Variants in SLC30A2 observed in about 807,000 individuals in gnomAD.
SLC30A2 encodes proton-coupled zinc antiporter SLC30A2.
SLC30A2 carries 19 observed loss-of-function variants against 39.6 expected under a neutral mutation model. The ratio of observed to expected loss-of-function variants is 0.48; its 90% CI spans 0.34 to 0.70. The LOEUF is 0.70. Among genes scored for constraint, SLC30A2 ranks in the 30% least tolerant of loss-of-function variants. The probability of loss-of-function intolerance (pLI) is 0.01; values close to 1 mark genes in which losing one functional copy is unlikely to be tolerated. For missense variants in SLC30A2, 387 were observed against 479.4 expected, an observed-to-expected ratio of 0.81 and a Z score of 1.80; for synonymous variants, 195 against 194.8, an observed-to-expected ratio of 1.00 and a Z score of -0.01.
Position 26,039,823 on chromosome 1 carries a change from C to G in SLC30A2, c.927G>C (p.Trp309Cys), listed in dbSNP as rs1185652351. 105 of 1,613,892 alleles carry G rather than the reference C, an allele frequency of 6.5e-5. No homozygotes were observed. The highest frequency in any genetic ancestry group is 7.7e-5 in the Non-Finnish European group (91 of 1,180,018). Residue 309 changes from tryptophan (W) to cysteine (C), a missense_variant, in exon 7 of 8, where the codon TGG becomes TGC. Transcript: ENST00000374276. This position sits in a 1 kb window ranked among gnomAD's most constrained non-coding sequence, Gnocchi z 4.3. The part of the protein sequence containing the change: ...GVEALHSLHI[W>C]ALTVAQPVLS... ...GAACAGGCTGGGCCACCGTCAGTGCCCAGATATGCAGGCTGTGCAGGGCTT... is the reference window on the plus strand; with the variant it reads ...GAACAGGCTGGGCCACCGTCAGTGCGCAGATATGCAGGCTGTGCAGGGCTT...
At chr1:26,040,393 C>T (rs1318488643) in intron 6 of SLC30A2, among the ~76,000 whole-genome samples, 5 of 152,106 alleles carry the variant, frequency 3.3e-5, no homozygotes, top group East Asian at 3.9e-4. Context: ...GGACTACAGG[C>T]GCATGCCACC....
chr1:26,046,092 G>A lies in SLC30A2; in HGVS notation c.-196C>T. The A allele has an allele frequency of 1.5e-6, 2 of 1,308,280 alleles. No homozygotes were observed. The highest frequency in any genetic ancestry group is 1.9e-6 in the Non-Finnish European group (2 of 1,034,762). 81.0% of individuals were successfully genotyped at this position (1,308,280 alleles called of 1,614,324 possible). A position where few individuals can be genotyped will look rare whatever the true frequency, so the allele number is the denominator to read the frequency against. On this transcript the variant is annotated 5_prime_UTR_variant, in exon 1 of 8. The change creates a new upstream start codon in the 5' untranslated region. Coordinates refer to ENST00000374276, the MANE Select transcript of SLC30A2 (RefSeq NM_001004434.3). The surrounding 1 kb of genome is among the most constrained non-coding windows in gnomAD (Gnocchi z 4.4). ...GCTGCAGCTCCGGCTCTGGCTCCGCGTGCCAAGCGCTCCCGTGTCTCGGGT... is the reference window on the plus strand; with the variant it reads ...GCTGCAGCTCCGGCTCTGGCTCCGCATGCCAAGCGCTCCCGTGTCTCGGGT...
chr1:26,043,658 G>A, intron 3 of SLC30A2, 107 bp from the exon 4 acceptor site: 1 of 1,220,298 alleles, frequency 8.2e-7, no homozygotes, highest in Middle Eastern at 2.0e-4. Context: ...ACAAAGTCAG[G>A]GCCTGGGTCC....
In SLC30A2 at chr1:26,046,105, C is replaced by G; in HGVS notation, c.-209G>C. 1 of 1,299,464 alleles carries G rather than the reference C, an allele frequency of 7.7e-7. No individual in the cohort carries two copies. Among genetic ancestry groups the G allele is most frequent in the Non-Finnish European group, 9.7e-7 (1 of 1,029,750 alleles). The allele number at this position is 1,299,464 out of a possible 1,614,324, so 80.5% of individuals were successfully genotyped here. A position where few individuals can be genotyped will look rare whatever the true frequency, so the allele number is the denominator to read the frequency against. ...CTCTGGCTCCGCGTGCCAAGCGCTC[C>G]CGTGTCTCGGGTCAGCCGCTGCGCC... is the stretch of plus-strand genomic sequence containing the variant. On this transcript the variant is annotated 5_prime_UTR_variant, in exon 1 of 8. Transcript: ENST00000374276. The surrounding 1 kb of genome is among the most constrained non-coding windows in gnomAD (Gnocchi z 4.4).
intron 6 of SLC30A2, among the ~76,000 whole-genome samples, chr1:26,041,112 GAAAA>G (rs985993733): frequency 7.5e-5 from 11 of 146,000 alleles, no homozygotes; most frequent in African/African-American, 2.5e-4. Context: ...AAAGAAAAAA[GAAAA>G]AAAAAAGGTA....
Position 26,039,332 on chromosome 1 carries a change from G to A in SLC30A2, c.974-27C>T, listed in dbSNP as rs1370116838. 2 of 1,586,810 alleles carry A rather than the reference G, an allele frequency of 1.3e-6. No homozygotes were observed. Among genetic ancestry groups the A allele is most frequent in the African/African-American group, 1.3e-5 (1 of 74,568 alleles). Reference sequence around the variant, plus strand: ...TGGGGGCCGAGAGGACACAGCGGGGGAAGCCATTTACTCTGGCCCTTTGGA... The same window carrying A: ...TGGGGGCCGAGAGGACACAGCGGGGAAAGCCATTTACTCTGGCCCTTTGGA... On this transcript the variant is annotated intron_variant, in intron 7 of 7. Transcript: ENST00000374276. This position sits in a 1 kb window ranked among gnomAD's most constrained non-coding sequence, Gnocchi z 4.3.
rs2050376256 is a variant in SLC30A2 at position 26,039,696 on chromosome 1, G to T, written c.973+81C>A. 6.8e-7 allele frequency: 1 copy of T among 1,460,788 alleles called. No individual in the cohort carries two copies. Among genetic ancestry groups the T allele is most frequent in the Non-Finnish European group, 9.3e-7 (1 of 1,069,860 alleles). The allele number at this position is 1,460,788 out of a possible 1,614,324, so 90.5% of individuals were successfully genotyped here. A position where few individuals can be genotyped will look rare whatever the true frequency, so the allele number is the denominator to read the frequency against. On this transcript the variant is annotated intron_variant, in intron 7 of 7. Transcript: ENST00000374276. This position sits in a 1 kb window ranked among gnomAD's most constrained non-coding sequence, Gnocchi z 4.3. ...ATGCATGGGCACTGTGAGCATCTGG[G>T]GTCACCTGGACCCGTTGGGGATGGC...
chr1:26,038,373 T>TAGGC lies in SLC30A2; in HGVS notation c.*783_*786dup, dbSNP rs1356209495. The stretch of plus-strand genomic sequence containing the variant: ...CAGGCTCCGACTGGGTCAGGCCAGG[T>TAGGC]AGGCAACAGAGTTGGCCCAGCCATA... On this transcript the variant is annotated 3_prime_UTR_variant, in exon 8 of 8. Transcript: ENST00000374276. 6.6e-6 allele frequency: 1 copy of TAGGC among 152,248 alleles called. No individual in the cohort carries two copies. Among genetic ancestry groups the TAGGC allele is most frequent in the African/African-American group, 2.4e-5 (1 of 41,466 alleles). The allele number at this position is 152,248 out of a possible 1,614,324, so 9.4% of individuals were successfully genotyped here. A position where few individuals can be genotyped will look rare whatever the true frequency, so the allele number is the denominator to read the frequency against.
intron 3 of SLC30A2, 84 bp downstream of exon 3, chr1:26,044,214 T>A: frequency 7.0e-6 from 10 of 1,425,498 alleles, no homozygotes; most frequent in East Asian, 2.3e-5. Flanking sequence ...GAAGGGGGGA[T>A]CCACCCATTA....
chr1:26,039,967 C>T lies in SLC30A2; in HGVS notation c.839-56G>A. On this transcript the variant is annotated intron_variant, in intron 6 of 7. Transcript: ENST00000374276. The surrounding 1 kb of genome is among the most constrained non-coding windows in gnomAD (Gnocchi z 4.3). ...GGAAACTACCCCTCCCACGCCTGCC[C>T]ATTGGTGCAGGGCTGGCTCCTGATC... The T allele has an allele frequency of 3.7e-6, 6 of 1,604,986 alleles. No individual in the cohort carries two copies. Among genetic ancestry groups the T allele is most frequent in the South Asian group, 1.1e-5 (1 of 90,476 alleles).
Position 26,038,522 on chromosome 1 carries a change from A to G in SLC30A2, c.*638T>C, listed in dbSNP as rs898640971. The stretch of plus-strand genomic sequence containing the variant: ...CTACCCCCTGCCCACCACCTGTGCC[A>G]AAGTTGTTTTTTGTGTTGGCACAGC... On this transcript the variant is annotated 3_prime_UTR_variant, in exon 8 of 8. Coordinates refer to ENST00000374276, the MANE Select transcript of SLC30A2 (RefSeq NM_001004434.3). The G allele has an allele frequency of 6.6e-6, 1 of 152,240 alleles. No homozygotes were observed. Among genetic ancestry groups the G allele is most frequent in the Admixed American group, 6.5e-5 (1 of 15,286 alleles). 9.4% of individuals were successfully genotyped at this position (152,240 alleles called of 1,614,324 possible). A position where few individuals can be genotyped will look rare whatever the true frequency, so the allele number is the denominator to read the frequency against.
chr1:26,040,918 C>CG (rs1015575743), intron 6 of SLC30A2, among the ~76,000 whole-genome samples: 24 of 20,468 alleles, frequency 1.2e-3, no homozygotes, highest in African/African-American at 2.1e-3. Flanking sequence ...ATAGTGAGAC[C>CG]CCCCCCCCAT....
intron 5 of SLC30A2, 95 bp from the exon 6 acceptor site, chr1:26,041,900 C>A (rs1011323817): frequency 4.0e-6 from 3 of 754,694 alleles, no homozygotes; most frequent in Non-Finnish European, 6.8e-6. Context: ...GAGAGGTGCT[C>A]TCTCTGCTGG....
At chr1:26,042,385 G>A (rs2050407352) in intron 5 of SLC30A2, among the ~76,000 whole-genome samples, 164 bp downstream of exon 5, 1 of 152,212 alleles carries the variant, frequency 6.6e-6, no homozygotes, top group African/African-American at 2.4e-5. Context: ...AGGATCAGAA[G>A]TGCTGACACT....
chr1:26,041,623 GAC>G, intron 6 of SLC30A2, 75 bp downstream of exon 6: 1 of 873,090 alleles, frequency 1.1e-6, no homozygotes, highest in Non-Finnish European at 1.9e-6. Flanking sequence ...GGATGCCCCA[GAC>G]ACACACATAC....
In SLC30A2 at chr1:26,041,731, G is replaced by C. The variant is rs770233361; in HGVS notation, c.807C>G (p.Ile269Met). 2 of 1,613,194 alleles carry C rather than the reference G, an allele frequency of 1.2e-6. No homozygotes were observed. The highest frequency in any genetic ancestry group is 1.7e-6 in the Non-Finnish European group (2 of 1,179,122). Reference protein sequence around the residue: ...SILVLGTTLTILRDVILVLME... With the variant: ...SILVLGTTLTMLRDVILVLME... ...TCAACACCAGGATCACATCTCTCAG[G>C]ATGGTCAAGGTTGTCCCCAGGACCA... is the stretch of plus-strand genomic sequence containing the variant. The change falls in exon 6 of 8, where the codon ATC becomes ATG. Residue 269 changes from isoleucine (I) to methionine (M), a missense_variant. Transcript: ENST00000374276.
At chr1:26,042,769 G>A (rs376116869) in intron 4 of SLC30A2, 61 bp from the exon 5 acceptor site, 1 of 1,500,516 alleles carries the variant, frequency 6.7e-7, no homozygotes. Context: ...TCACCTATTA[G>A]GACTAGCCAA....
At position 26,045,082 on chromosome 1, in the gene SLC30A2, G is replaced by T. The variant is rs2050444918; in HGVS notation, c.186C>A (p.His62Gln). Residue 62 changes from histidine (H) to glutamine (Q), a missense_variant, in exon 2 of 8, where the codon CAC (histidine) becomes CAA (glutamine). By Grantham distance (24) the His-to-Gln change is conservative. Transcript: ENST00000374276. ...GGGCCTTCCCCTTCTTGGGGTCACAGTGACTGTCAGGACCCTTCTGAGCAT... is the reference window on the plus strand; with the variant it reads ...GGGCCTTCCCCTTCTTGGGGTCACATTGACTGTCAGGACCCTTCTGAGCAT... Reference protein sequence around the residue: ...HCHAQKGPDSHCDPKKGKAQR... With the variant: ...HCHAQKGPDSQCDPKKGKAQR... 6.2e-7 allele frequency: 1 copy of T among 1,614,202 alleles called. No individual in the cohort carries two copies. Among genetic ancestry groups the T allele is most frequent in the African/African-American group, 1.3e-5 (1 of 75,058 alleles).
Position 26,039,009 on chromosome 1 carries a change from G to A in SLC30A2, c.*151C>T. ...CTGTAGTCAGATGGGAGGCTGGGAA[G>A]AGCTCCATTCCTGGAGTGGGGCAGA... is the stretch of plus-strand genomic sequence containing the variant. On this transcript the variant is annotated 3_prime_UTR_variant, in exon 8 of 8. Coordinates refer to ENST00000374276, the MANE Select transcript of SLC30A2 (RefSeq NM_001004434.3). This position sits in a 1 kb window ranked among gnomAD's most constrained non-coding sequence, Gnocchi z 4.3. 7.1e-7 allele frequency: 1 copy of A among 1,413,846 alleles called. No homozygotes were observed. Among genetic ancestry groups the A allele is most frequent in the Non-Finnish European group, 9.2e-7 (1 of 1,081,828 alleles). The allele number at this position is 1,413,846 out of a possible 1,614,324, so 87.6% of individuals were successfully genotyped here. A position where few individuals can be genotyped will look rare whatever the true frequency, so the allele number is the denominator to read the frequency against.
Sources: gnomAD v4.1 joint callset for allele counts (sites outside exome capture counted in the v4.1 genomes callset) on GRCh38, gnomAD v4.1.1 for gene constraint, Gnocchi (gnomAD v3.1) non-coding constraint, MANE v1.5 for transcripts, NCBI Gene and HGNC (gene_info 2026-07-23, HGNC 2026-07-21) for gene names.